Variants in OR51B5 observed in about 807,000 individuals in gnomAD.
OR51B5 encodes olfactory receptor 51B5.
For synonymous variants in OR51B5, 186 were observed against 144.8 expected, an observed-to-expected ratio of 1.28 and a Z score of -2.04; for missense variants, 456 against 374.6, an observed-to-expected ratio of 1.22 and a Z score of -1.79.
chr11:5,503,352 A>C (rs566334161), intron 1 of OR51B5, among the ~76,000 whole-genome samples: 80 of 152,362 alleles, frequency 5.3e-4, no homozygotes, highest in East Asian at 3.3e-3. Flanking sequence ...CATTCAAAAT[A>C]ACAATCAAAA....
At chr11:5,475,250 A>C (rs1851286231) in intron 1 of OR51B5, among the ~76,000 whole-genome samples, 1 of 152,170 alleles carries the variant, frequency 6.6e-6, no homozygotes, top group Admixed American at 6.5e-5. Context: ...CATGATGATA[A>C]AATCCGAACA....
intron 1 of OR51B5, among the ~76,000 whole-genome samples, chr11:5,387,673 A>C (rs1391021388): frequency 6.6e-6 from 1 of 152,096 alleles, no homozygotes; most frequent in Non-Finnish European, 1.5e-5. Context: ...TTTGTCTTTT[A>C]AACTTGTCAA....
At chr11:5,357,589 GA>G (rs1229035486) in intron 1 of OR51B5, among the ~76,000 whole-genome samples, 1 of 151,998 alleles carries the variant, frequency 6.6e-6, no homozygotes, top group Admixed American at 6.5e-5. Flanking sequence ...CAACGAGACA[GA>G]AAGTTAACAA....
At chr11:5,433,387 T>C (rs1850557602) in intron 1 of OR51B5, among the ~76,000 whole-genome samples, 1 of 152,142 alleles carries the variant, frequency 6.6e-6, no homozygotes, top group African/African-American at 2.4e-5. Flanking sequence ...TAGGAAGGGG[T>C]GCTCATGACT....
At chr11:5,412,533 C>G (rs758767409) in intron 1 of OR51B5, among the ~76,000 whole-genome samples, 3 of 152,196 alleles carry the variant, frequency 2.0e-5, no homozygotes, top group African/African-American at 4.8e-5. Context: ...GTTCCCTTTC[C>G]TAGTCAAAGA....
intron 1 of OR51B5, among the ~76,000 whole-genome samples, chr11:5,439,812 C>T (rs1385117580): frequency 6.6e-6 from 1 of 152,124 alleles, no homozygotes; most frequent in Non-Finnish European, 1.5e-5. Context: ...TTGTCCTTCT[C>T]AAGGTATAAT....
chr11:5,473,808 TTTAAA>T (rs1851264769), intron 1 of OR51B5, among the ~76,000 whole-genome samples: 1 of 152,258 alleles, frequency 6.6e-6, no homozygotes, highest in South Asian at 2.1e-4. Context: ...TTACAACTGT[TTTAAA>T]TTATAGGACA....
In OR51B5 at chr11:5,414,560, T is replaced by G. The variant is rs563908066; in HGVS notation, n.85-67650A>C. ...CCCATCTCACATGCAGAGACACACA[T>G]AGGCTCAAAATAAAAGGATGGAGGA... On this transcript the variant is annotated intron_variant and non_coding_transcript_variant, in intron 1 of 4. Transcript: ENST00000415970. 8.2e-3 allele frequency among the ~76,000 whole-genome samples: 1,238 copies of G among 151,798 alleles called. 20 individuals are homozygous for G. Among genetic ancestry groups the G allele is most frequent in the African/African-American group, 0.029 (1,185 of 41,362 alleles).
At chr11:5,473,447 G>A (rs577978582) in intron 1 of OR51B5, among the ~76,000 whole-genome samples, 12 of 152,152 alleles carry the variant, frequency 7.9e-5, no homozygotes, top group Non-Finnish European at 1.6e-4. Context: ...GTTAGAAATT[G>A]TACAGAGTTC....
chr11:5,383,707 A>C (rs1233816485), intron 1 of OR51B5: 1 of 152,146 alleles, frequency 6.6e-6, no homozygotes, highest in African/African-American at 2.4e-5. Context: ...GAGATAAAGA[A>C]AGTTTCCTGC....
At chr11:5,400,269 A>T (rs1052286313) in intron 1 of OR51B5, among the ~76,000 whole-genome samples, 1 of 151,908 alleles carries the variant, frequency 6.6e-6, no homozygotes, top group African/African-American at 2.4e-5. Flanking sequence ...TCTTGTATTT[A>T]GTCTATTTAG....
At chr11:5,389,507 C>T (rs1188881153) in intron 1 of OR51B5, 1 of 1,614,020 alleles carries the variant, frequency 6.2e-7, no homozygotes. Flanking sequence ...AGGCATCAAA[C>T]ACTGGATTTT....
intron 1 of OR51B5, among the ~76,000 whole-genome samples, chr11:5,443,266 AT>A (rs1456789858): frequency 6.6e-6 from 1 of 152,170 alleles, no homozygotes; most frequent in African/African-American, 2.4e-5. Flanking sequence ...GTGAAATTAG[AT>A]GGTGACAAGG....
chr11:5,378,572 G>A (rs1285149008), intron 1 of OR51B5, among the ~76,000 whole-genome samples: 2 of 151,896 alleles, frequency 1.3e-5, no homozygotes, highest in Admixed American at 1.3e-4. Context: ...TCTGACAAAG[G>A]GCTAATATCC....
At chr11:5,464,914 G>C (rs1182035712) in intron 1 of OR51B5, among the ~76,000 whole-genome samples, 2 of 152,196 alleles carry the variant, frequency 1.3e-5, no homozygotes, top group South Asian at 2.1e-4. Flanking sequence ...CAGTGTAAAA[G>C]TGTTCCTATT....
chr11:5,413,621 A>C (rs1314823337), intron 1 of OR51B5, among the ~76,000 whole-genome samples: 1 of 152,222 alleles, frequency 6.6e-6, no homozygotes, highest in Non-Finnish European at 1.5e-5. Context: ...AAGGCTCGAG[A>C]ACGATGTGAA....
intron 1 of OR51B5, among the ~76,000 whole-genome samples, chr11:5,354,168 G>GTTTA (rs139017400): frequency 0.11 from 16,798 of 152,106 alleles, 1,040 homozygotes; most frequent in South Asian, 0.15. Context: ...TCTTCTGTCT[G>GTTTA]TTACTGCTCT....
intron 1 of OR51B5, among the ~76,000 whole-genome samples, chr11:5,443,359 T>C (rs1416386055): frequency 6.6e-6 from 1 of 150,740 alleles, no homozygotes; most frequent in Non-Finnish European, 1.5e-5. Context: ...CTTTGGTTTC[T>C]CTCTCCTCCC....
intron 1 of OR51B5, chr11:5,351,570 A>T (rs528500526): frequency 6.2e-7 from 1 of 1,614,090 alleles, no homozygotes; most frequent in East Asian, 2.2e-5. Context: ...TGGAGAAGGC[A>T]CATCACTGGA....
Sources: allele counts gnomAD v4.1 joint callset (sites outside exome capture counted in the v4.1 genomes callset), GRCh38; gene constraint gnomAD v4.1.1; transcripts MANE v1.5; gene names NCBI Gene and HGNC (gene_info 2026-07-23, HGNC 2026-07-21).